PAK1: variants seen among roughly 807,000 people sequenced by gnomAD.
PAK1 encodes the protein serine/threonine-protein kinase PAK 1.
Under a neutral mutation model 67.4 loss-of-function variants are expected in PAK1, and 29 were observed. The observed-to-expected ratio is 0.43, with a 90% CI of 0.32 to 0.59. PAK1 has a LOEUF of 0.59. Ranked by LOEUF, PAK1 falls within the 20% of genes least tolerant of loss-of-function variation. PAK1 has a pLI of 0.07. For synonymous variants in PAK1, 223 were observed against 237.4 expected, an observed-to-expected ratio of 0.94 and a Z score of 0.56; for missense variants, 337 against 670.7, an observed-to-expected ratio of 0.50 and a Z score of 5.50.
At chr11:77,525,677 C>A in the PAK1 span, among the ~76,000 whole-genome samples, 1 of 152,234 alleles carries the variant, frequency 6.6e-6, no homozygotes, top group African/African-American at 2.4e-5. Flanking sequence ...AGACAAAGGA[C>A]AATTGTTGGC....
chr11:77,325,269 G>T (rs1266014394), intron 14 of PAK1: 30 of 1,605,048 alleles, frequency 1.9e-5, no homozygotes, highest in Non-Finnish European at 2.3e-5. Flanking sequence ...TAAGAGCAGT[G>T]GCCAAGAGCA....
At chr11:77,425,044 T>G (rs1197825707) in intron 1 of PAK1, among the ~76,000 whole-genome samples, 1 of 152,248 alleles carries the variant, frequency 6.6e-6, no homozygotes, top group Non-Finnish European at 1.5e-5. Context: ...CTTGTCCTGA[T>G]TCATTTTATT....
At chr11:77,464,957 C>T (rs1957524236) in intron 1 of PAK1, among the ~76,000 whole-genome samples, 1 of 151,600 alleles carries the variant, frequency 6.6e-6, no homozygotes, top group Non-Finnish European at 1.5e-5. Flanking sequence ...AAGTCAGGGA[C>T]CAGCTGTATT....
chr11:77,377,863 G>A (rs1403944381), intron 4 of PAK1, among the ~76,000 whole-genome samples: 3 of 152,080 alleles, frequency 2.0e-5, no homozygotes, highest in Admixed American at 1.3e-4. Context: ...TAGCCCTCCA[G>A]CCCAATTCCT....
At chr11:77,446,240 G>A (rs1338209956) in intron 1 of PAK1, among the ~76,000 whole-genome samples, 2 of 152,112 alleles carry the variant, frequency 1.3e-5, no homozygotes, top group South Asian at 2.1e-4. Flanking sequence ...GGCTGGGCAC[G>A]GTGGCTCACA....
chr11:77,523,547 G>A, the PAK1 span, among the ~76,000 whole-genome samples: 135 of 151,792 alleles, frequency 8.9e-4, 1 homozygote, highest in African/African-American at 3.2e-3. Flanking sequence ...AGCCTCCCGA[G>A]TAGCTGGGAC....
chr11:77,399,988 G>T (rs1029607768), intron 1 of PAK1, among the ~76,000 whole-genome samples: 1 of 151,880 alleles, frequency 6.6e-6, no homozygotes, highest in Non-Finnish European at 1.5e-5. Flanking sequence ...AATCTAGGTG[G>T]TGGGTACACA....
At chr11:77,498,691 ATTTTTTTTTTTTT>A in the PAK1 span, among the ~76,000 whole-genome samples, 1 of 72,052 alleles carries the variant, frequency 1.4e-5, no homozygotes, top group Non-Finnish European at 2.5e-5. Context: ...CTTGCTTGTA[ATTTTTTTTTTTTT>A]TTTTTTTTTT....
At chr11:77,434,008 G>T (rs1955988339) in intron 1 of PAK1, among the ~76,000 whole-genome samples, 1 of 151,702 alleles carries the variant, frequency 6.6e-6, no homozygotes, top group Non-Finnish European at 1.5e-5. Flanking sequence ...CAAGGATGTG[G>T]AGAAATTAGA....
chr11:77,454,004 C>T (rs1349078174), intron 1 of PAK1, among the ~76,000 whole-genome samples: 1 of 152,150 alleles, frequency 6.6e-6, no homozygotes, highest in East Asian at 1.9e-4. Flanking sequence ...GTTGAAGCTG[C>T]AGTGAACTAT....
At chr11:77,430,990 C>T (rs926786463) in intron 1 of PAK1, among the ~76,000 whole-genome samples, 7 of 152,250 alleles carry the variant, frequency 4.6e-5, no homozygotes, top group Non-Finnish European at 8.8e-5. Context: ...GTGAACTACA[C>T]ATGAGAAGGA....
At chr11:77,513,162 G>C in the PAK1 span, among the ~76,000 whole-genome samples, 2 of 152,320 alleles carry the variant, frequency 1.3e-5, no homozygotes, top group South Asian at 2.1e-4. Context: ...CAGGTAAGCA[G>C]ATAATTCAGT....
chr11:77,450,282 T>C (rs1956798298), intron 1 of PAK1, among the ~76,000 whole-genome samples: 1 of 152,120 alleles, frequency 6.6e-6, no homozygotes, highest in East Asian at 1.9e-4. Flanking sequence ...GAGAGAATGA[T>C]GTTTACCTGA....
At chr11:77,357,834 G>A (rs1184542125) in intron 6 of PAK1, among the ~76,000 whole-genome samples, 2 of 152,094 alleles carry the variant, frequency 1.3e-5, no homozygotes, top group Non-Finnish European at 2.9e-5. Flanking sequence ...ACTATGTTAA[G>A]CACTAGAAAT....
At chr11:77,416,233 C>T (rs1954945000) in intron 1 of PAK1, among the ~76,000 whole-genome samples, 1 of 152,188 alleles carries the variant, frequency 6.6e-6, no homozygotes, top group African/African-American at 2.4e-5. Context: ...CTTGTCTCAG[C>T]CTCCCAAAGT....
chr11:77,414,157 A>C (rs541493468), intron 1 of PAK1, among the ~76,000 whole-genome samples: 1 of 152,338 alleles, frequency 6.6e-6, no homozygotes, highest in African/African-American at 2.4e-5. Context: ...CTATGTATGT[A>C]TGTAGGCTAA....
At position 77,334,659 on chromosome 11, in the gene PAK1, T is replaced by A. The variant is rs1021165020; in HGVS notation, c.1413+1427A>T. Among the ~76,000 whole-genome samples the A allele has an allele frequency of 3.3e-5, 5 of 152,286 alleles. No individual in the cohort carries two copies. The East Asian group carries it at 9.7e-4, about 29-fold the overall frequency. ...CGAACCCCTCTCATCGACTTAAGGATATCACTTCTATGGTTGTCACTTCCT... is the reference window on the plus strand; with the variant it reads ...CGAACCCCTCTCATCGACTTAAGGAAATCACTTCTATGGTTGTCACTTCCT... On this transcript the variant is annotated intron_variant, in intron 13 of 14. Transcript: ENST00000356341.
chr11:77,382,071 A>G (rs963651588), intron 2 of PAK1, among the ~76,000 whole-genome samples: 2 of 152,114 alleles, frequency 1.3e-5, no homozygotes, highest in East Asian at 3.8e-4. Flanking sequence ...AAGTACAATT[A>G]TATTTGTGTT....
chr11:77,485,482 AT>A, the PAK1 span, among the ~76,000 whole-genome samples: 96 of 150,404 alleles, frequency 6.4e-4, no homozygotes, highest in African/African-American at 2.2e-3. Context: ...ATAAAAAAAA[AT>A]TTTTTTTTTG....
Sources: allele counts gnomAD v4.1 joint callset (sites outside exome capture counted in the v4.1 genomes callset), GRCh38; gene constraint gnomAD v4.1.1; transcripts MANE v1.5; gene names NCBI Gene and HGNC (gene_info 2026-07-23, HGNC 2026-07-21).